The following VPS4A variants were observed in gnomAD, a reference collection of about 807,000 sequenced individuals.
VPS4A encodes vacuolar protein sorting-associated protein 4A.
A neutral mutation model predicts 52.3 loss-of-function variants in VPS4A; 20 were observed. The ratio of observed to expected loss-of-function variants is 0.38; its 90% CI spans 0.27 to 0.56. The LOEUF (loss-of-function observed/expected upper bound fraction) is 0.56, where lower values mean the gene tolerates loss of function less well. VPS4A is among the 20% of genes least tolerant of loss of function. VPS4A has a pLI of 0.72. For synonymous variants in VPS4A, 293 were observed against 227.7 expected (o/e 1.29, Z -2.58); for missense variants, 419 against 575.9 (o/e 0.73, Z 2.79).
At position 69,311,544 on chromosome 16, in the gene VPS4A, G is replaced by A. The variant is rs753885491; in HGVS notation, c.21+12G>A. On this transcript the variant is annotated intron_variant, in intron 1 of 10. Coordinates refer to ENST00000254950, the MANE Select transcript of VPS4A (RefSeq NM_013245.3). ...CGTCAACCCTCCAGGTACTTCGTGC[G>A]GCCCGGCCCGACTTCGGAGGCCGAA... The A allele has an allele frequency of 5.3e-6, 7 of 1,317,294 alleles. No homozygotes were observed. Among genetic ancestry groups the A allele is most frequent in the Non-Finnish European group, 5.9e-6 (6 of 1,020,510 alleles). The allele number at this position is 1,317,294 out of a possible 1,614,324, so 81.6% of individuals were successfully genotyped here. A position where few individuals can be genotyped will look rare whatever the true frequency, so the allele number is the denominator to read the frequency against.
Position 69,316,457 on chromosome 16 carries a change from C to G in VPS4A, c.281+85C>G, listed in dbSNP as rs1283335910. 14 of 1,550,494 alleles carry G rather than the reference C, an allele frequency of 9.0e-6. No homozygotes were observed. The East Asian group carries it at 1.6e-4, about 17-fold the overall frequency. ...CTGGCGCTCATGCTGCCTTGGACTT[C>G]CCTGTGGGAATGGTCCTCATAGTGC... On this transcript the variant is annotated intron_variant, in intron 3 of 10. Coordinates refer to ENST00000254950, the MANE Select transcript of VPS4A (RefSeq NM_013245.3).
Position 69,325,168 on chromosome 16 carries a change from A to G in VPS4A, c.*859A>G, listed in dbSNP as rs1402369674. 1.3e-5 allele frequency: 2 copies of G among 152,152 alleles called. No homozygotes were observed. The highest frequency in any genetic ancestry group is 2.9e-5 in the Non-Finnish European group (2 of 68,038). 9.4% of individuals were successfully genotyped at this position (152,152 alleles called of 1,614,324 possible). A position where few individuals can be genotyped will look rare whatever the true frequency, so the allele number is the denominator to read the frequency against. On this transcript the variant is annotated 3_prime_UTR_variant, in exon 11 of 11. Coordinates refer to ENST00000254950, the MANE Select transcript of VPS4A (RefSeq NM_013245.3). ...TCTAAAGCAGAGCAGGAAACAGAAC[A>G]CTGCAGTTCTTAGGCCTGTTCTCCA...
intron 3 of VPS4A, among the ~76,000 whole-genome samples, chr16:69,318,175 GT>G (rs1442258761): frequency 1.3e-5 from 2 of 152,138 alleles, no homozygotes; most frequent in Non-Finnish European, 2.9e-5. Flanking sequence ...AGATCTCGCT[GT>G]TTCCCAGGCT....
At chr16:69,313,682 G>T (rs1020170012) in intron 1 of VPS4A, among the ~76,000 whole-genome samples, 3 of 152,140 alleles carry the variant, frequency 2.0e-5, no homozygotes, top group African/African-American at 7.2e-5. Flanking sequence ...TTCGTTTATT[G>T]ATATACTGTC....
Position 69,318,991 on chromosome 16 carries a change from G to A in VPS4A, c.463+49G>A, listed in dbSNP as rs367697045. On this transcript the variant is annotated intron_variant, in intron 5 of 10. Transcript: ENST00000254950. The stretch of plus-strand genomic sequence containing the variant: ...CCCAATGTAAAAATTCCAGGCTTCC[G>A]CAGGGCTGGCACTCCGAGGCACCCG... The A allele has an allele frequency of 4.1e-5, 65 of 1,593,774 alleles. 1 individual carries two copies. Among genetic ancestry groups the A allele is most frequent in the African/African-American group, 3.4e-4 (25 of 74,542 alleles).
chr16:69,322,790 C>A, intron 10 of VPS4A, 90 bp downstream of exon 10: 1 of 1,497,098 alleles, frequency 6.7e-7, no homozygotes, highest in Admixed American at 2.0e-5. Context: ...CTTCTCCAGG[C>A]CAGGCATGGT....
chr16:69,319,686 G>T, intron 6 of VPS4A, 143 bp downstream of exon 6: 1 of 1,150,058 alleles, frequency 8.7e-7, no homozygotes. Flanking sequence ...TAGCTTATCG[G>T]CTGGGACACA....
In VPS4A at chr16:69,318,683, G is replaced by C; in HGVS notation, c.315G>C (p.Glu105Asp). The change falls in exon 4 of 11, where the codon GAG becomes GAC. Residue 105 changes from glutamate (E) to aspartate (D), a missense_variant. Transcript: ENST00000254950. ...SDSDSEGDNP[E>D]KKKLQEQLMG... ...GTGACAGTGAAGGGGATAATCCGGA[G>C]AAAAAGAAACTGCAAGAACAGCTGA... 1 of 1,613,434 alleles carries C rather than the reference G, an allele frequency of 6.2e-7. No homozygotes were observed. The highest frequency in any genetic ancestry group is 8.5e-7 in the Non-Finnish European group (1 of 1,179,646).
Position 69,322,607 on chromosome 16 carries a change from C to T in VPS4A, c.1119C>T (p.Leu373=). ...ACCCCAGCATGATGATTGATGACCT[C>T]CTGACTCCATGCTCACCAGGGGACC... The part of the protein sequence containing the change: ...RTNPSMMIDD[L]LTPCSPGDPG... Residue 373 remains leucine (L), a synonymous_variant, in exon 10 of 11, where the codon CTC becomes CTT. Transcript: ENST00000254950. The T allele has an allele frequency of 6.2e-7, 1 of 1,613,898 alleles. No homozygotes were observed. Among genetic ancestry groups the T allele is most frequent in the South Asian group, 1.1e-5 (1 of 91,078 alleles).
chr16:69,314,534 A>T (rs1965412983), intron 1 of VPS4A, among the ~76,000 whole-genome samples: 1 of 152,130 alleles, frequency 6.6e-6, no homozygotes, highest in Non-Finnish European at 1.5e-5. Flanking sequence ...GCCTAAGCTC[A>T]TTTCCAAGAA....
intron 1 of VPS4A, 68 bp downstream of exon 1, chr16:69,311,600 G>A: frequency 8.1e-7 from 1 of 1,229,734 alleles, no homozygotes; most frequent in Non-Finnish European, 1.0e-6. Context: ...GCAGAGCCGG[G>A]CGGCGGGCGG....
In VPS4A at chr16:69,320,038, G is replaced by A. The variant is rs1965491537; in HGVS notation, c.621-103G>A. Reference sequence around the variant, plus strand: ...TTTCCGCAATTCCGGCATGACCGTGGCCTGCGCCTCCCTGTGGGAAGGGTG... The same window carrying A: ...TTTCCGCAATTCCGGCATGACCGTGACCTGCGCCTCCCTGTGGGAAGGGTG... On this transcript the variant is annotated intron_variant, in intron 6 of 10. Coordinates refer to ENST00000254950, the MANE Select transcript of VPS4A (RefSeq NM_013245.3). The surrounding 1 kb of genome is among the most constrained non-coding windows in gnomAD (Gnocchi z 4.2). The A allele has an allele frequency of 2.1e-6, 3 of 1,444,836 alleles. No homozygotes were observed. The highest frequency in any genetic ancestry group is 2.3e-5 in the Admixed American group (1 of 44,254). The allele number at this position is 1,444,836 out of a possible 1,614,324, so 89.5% of individuals were successfully genotyped here. A position where few individuals can be genotyped will look rare whatever the true frequency, so the allele number is the denominator to read the frequency against.
chr16:69,315,967 C>G (rs1424962162), intron 1 of VPS4A, 41 bp from the exon 2 acceptor site: 11 of 1,580,608 alleles, frequency 7.0e-6, no homozygotes, highest in Admixed American at 3.4e-5. Context: ...GACTTTCCAC[C>G]TCTCCGAGGA....
rs1326563979 is a variant in VPS4A at position 69,320,945 on chromosome 16, C to A, written c.852-106C>A. Reference sequence around the variant, plus strand: ...TGTTGAGGATGTGCCGCCAGCATCACTGGCCCATGAAATGCGTCCGTTTCA... The same window carrying A: ...TGTTGAGGATGTGCCGCCAGCATCAATGGCCCATGAAATGCGTCCGTTTCA... On this transcript the variant is annotated intron_variant, in intron 8 of 10. Transcript: ENST00000254950. This position sits in a 1 kb window ranked among gnomAD's most constrained non-coding sequence, Gnocchi z 4.2. The A allele has an allele frequency of 1.5e-6, 2 of 1,291,360 alleles. No homozygotes were observed. Among genetic ancestry groups the A allele is most frequent in the Non-Finnish European group, 2.2e-6 (2 of 921,818 alleles). The allele number at this position is 1,291,360 out of a possible 1,614,324, so 80.0% of individuals were successfully genotyped here. A position where few individuals can be genotyped will look rare whatever the true frequency, so the allele number is the denominator to read the frequency against.
chr16:69,313,561 G>A (rs1343990532), intron 1 of VPS4A, among the ~76,000 whole-genome samples: 1 of 152,028 alleles, frequency 6.6e-6, no homozygotes, highest in South Asian at 2.1e-4. Flanking sequence ...AATGTCATAG[G>A]TTTTTACATT....
rs546936117 is a variant in VPS4A at position 69,324,630 on chromosome 16, T to G, written c.*321T>G. On this transcript the variant is annotated 3_prime_UTR_variant, in exon 11 of 11. Coordinates refer to ENST00000254950, the MANE Select transcript of VPS4A (RefSeq NM_013245.3). ...ATGCTGCTTGGATTTTCATCTTATT[T>G]ATAAAGATAAAATCACCTGGAAGTG... is the stretch of plus-strand genomic sequence containing the variant. 4.5e-5 allele frequency: 13 copies of G among 290,586 alleles called. No individual in the cohort carries two copies. The East Asian group carries it at 9.4e-4, about 21-fold the overall frequency. 18.0% of individuals were successfully genotyped at this position (290,586 alleles called of 1,614,324 possible).
In VPS4A at chr16:69,324,472, G is replaced by C. The variant is rs758034732; in HGVS notation, c.*163G>C. 1.4e-6 allele frequency: 1 copy of C among 721,476 alleles called. No homozygotes were observed. Among genetic ancestry groups the C allele is most frequent in the Non-Finnish European group, 2.3e-6 (1 of 428,102 alleles). The allele number at this position is 721,476 out of a possible 1,614,324, so 44.7% of individuals were successfully genotyped here. The stretch of plus-strand genomic sequence containing the variant: ...CCAGGGAGCCAGAAGGAAGGGCCTT[G>C]CAGCCACAGAGACACTCCACTGCCC... On this transcript the variant is annotated 3_prime_UTR_variant, in exon 11 of 11. Transcript: ENST00000254950.
At chr16:69,317,931 C>T (rs1295963986) in intron 3 of VPS4A, among the ~76,000 whole-genome samples, 2 of 145,488 alleles carry the variant, frequency 1.4e-5, no homozygotes, top group Non-Finnish European at 3.0e-5. Context: ...TGTGCCATCG[C>T]ACTCCAACCT....
rs756067870 is a variant in VPS4A at position 69,321,131 on chromosome 16, C to A, written c.932C>A (p.Pro311His). 3.1e-6 allele frequency: 5 copies of A among 1,592,636 alleles called. No homozygotes were observed. The highest frequency in any genetic ancestry group is 2.3e-5 in the East Asian group (1 of 43,540). Reference protein sequence around the residue: ...QMFRLHLGSTPHNLTDANIHE... With the variant: ...QMFRLHLGSTHHNLTDANIHE... ...TTCCGGTTGCATCTCGGGAGCACTC[C>A]CCACAACCTCACGGATGCAAACATC... The change falls in exon 9 of 11, where the codon CCC becomes CAC. Residue 311 changes from proline (P) to histidine (H), a missense_variant. By Grantham distance (77) the Pro-to-His change is moderately conservative. This residue lies in a region of VPS4A where 185 missense variants were observed against 200.2 expected (regional missense o/e 0.92). Coordinates refer to ENST00000254950, the MANE Select transcript of VPS4A (RefSeq NM_013245.3). This position sits in a 1 kb window ranked among gnomAD's most constrained non-coding sequence, Gnocchi z 4.5.
Sources: allele counts gnomAD v4.1 joint callset (sites outside exome capture counted in the v4.1 genomes callset), GRCh38; gene constraint gnomAD v4.1.1; regional missense constraint gnomAD v4.1.1; non-coding constraint Gnocchi (gnomAD v3.1); transcripts MANE v1.5; gene names NCBI Gene and HGNC (gene_info 2026-07-23, HGNC 2026-07-21).